Variants in EFNA5 observed in about 807,000 individuals in gnomAD.
EFNA5 encodes the protein ephrin-A5.
A neutral mutation model predicts 22.9 loss-of-function variants in EFNA5; 5 were observed. The ratio of observed to expected loss-of-function variants is 0.22; its 90% CI spans 0.11 to 0.46. The LOEUF is 0.46. Among genes scored for constraint, EFNA5 ranks in the 20% least tolerant of loss-of-function variants. The pLI, the probability that EFNA5 is intolerant of heterozygous loss-of-function variation, is 0.99. For synonymous variants in EFNA5, 113 were observed against 112.2 expected, an observed-to-expected ratio of 1.01 and a Z score of -0.04; for missense variants, 237 against 293.3, an observed-to-expected ratio of 0.81 and a Z score of 1.40.
intron 1 of EFNA5, among the ~76,000 whole-genome samples, chr5:107,569,946 T>A (rs1231913378): frequency 6.6e-6 from 1 of 151,962 alleles, no homozygotes; most frequent in Admixed American, 6.6e-5. Context: ...CACTTTTTAT[T>A]TTGAATTAAA....
chr5:107,445,267 C>T (rs977353164), intron 1 of EFNA5, among the ~76,000 whole-genome samples: 1 of 152,142 alleles, frequency 6.6e-6, no homozygotes, highest in African/African-American at 2.4e-5. Flanking sequence ...AAGTGATCTG[C>T]CTGGCTGGGC....
chr5:107,575,954 G>A (rs1748919440), intron 1 of EFNA5, among the ~76,000 whole-genome samples: 1 of 152,132 alleles, frequency 6.6e-6, no homozygotes, highest in Admixed American at 6.5e-5. Context: ...AGGAAAGGCA[G>A]GATTTATTTA....
chr5:107,643,545 A>G (rs1251846345), intron 1 of EFNA5, among the ~76,000 whole-genome samples: 1 of 152,104 alleles, frequency 6.6e-6, no homozygotes, highest in Middle Eastern at 3.2e-3. Context: ...CCCAGCCTGA[A>G]AGGTGATTGT....
At chr5:107,461,092 C>T (rs1411718515) in intron 1 of EFNA5, among the ~76,000 whole-genome samples, 1 of 152,078 alleles carries the variant, frequency 6.6e-6, no homozygotes, top group Non-Finnish European at 1.5e-5. Context: ...TGACCACATG[C>T]ACATTTAAGT....
At chr5:107,626,257 A>C (rs1561453203) in intron 1 of EFNA5, among the ~76,000 whole-genome samples, 1 of 152,172 alleles carries the variant, frequency 6.6e-6, no homozygotes, top group Non-Finnish European at 1.5e-5. Flanking sequence ...AATAGTACAC[A>C]GTATGTCTTC....
In EFNA5 at chr5:107,381,393, C is replaced by A. The variant is rs1747454672; in HGVS notation, c.566-17G>T. The A allele has an allele frequency of 6.3e-7, 1 of 1,595,402 alleles. No homozygotes were observed. The highest frequency in any genetic ancestry group is 8.6e-7 in the Non-Finnish European group (1 of 1,165,452). ...CGGTGTCATCTGTTCAAATAGAAAG[C>A]ACACATTCCAATGAGATTTCACATC... On this transcript the variant is annotated splice_polypyrimidine_tract_variant and intron_variant, in intron 4 of 4. Coordinates refer to ENST00000333274, the MANE Select transcript of EFNA5 (RefSeq NM_001962.3).
At chr5:107,460,282 G>C (rs1041828208) in intron 1 of EFNA5, among the ~76,000 whole-genome samples, 16 of 152,090 alleles carry the variant, frequency 1.1e-4, no homozygotes, top group African/African-American at 3.9e-4. Context: ...CACTAAAAAT[G>C]AATTTAAGAC....
chr5:107,393,540 A>G (rs751208996), intron 2 of EFNA5, among the ~76,000 whole-genome samples: 6 of 152,200 alleles, frequency 3.9e-5, no homozygotes, highest in Non-Finnish European at 8.8e-5. Flanking sequence ...TTTTATTTTT[A>G]AGAATATTCA....
At chr5:107,655,037 C>A (rs1045238508) in intron 1 of EFNA5, among the ~76,000 whole-genome samples, 3 of 151,914 alleles carry the variant, frequency 2.0e-5, no homozygotes, top group African/African-American at 7.3e-5. Context: ...CTGAGTAAGC[C>A]TGGCTAAGAT....
chr5:107,497,754 A>G (rs1485809479), intron 1 of EFNA5, among the ~76,000 whole-genome samples: 1 of 152,252 alleles, frequency 6.6e-6, no homozygotes, highest in African/African-American at 2.4e-5. Flanking sequence ...AAACAGTGCC[A>G]TTAAGAACAC....
intron 1 of EFNA5, among the ~76,000 whole-genome samples, chr5:107,445,728 G>A (rs537802103): frequency 9.2e-5 from 14 of 152,228 alleles, no homozygotes; most frequent in East Asian, 1.9e-4. Context: ...ACTAATAGGC[G>A]TCCTCTGAAC....
intron 1 of EFNA5, among the ~76,000 whole-genome samples, chr5:107,528,877 A>C (rs948355100): frequency 1.3e-5 from 2 of 152,330 alleles, no homozygotes; most frequent in African/African-American, 4.8e-5. Context: ...ATCATGACCC[A>C]TGAGTGGTTA....
intron 1 of EFNA5, among the ~76,000 whole-genome samples, chr5:107,661,951 A>G (rs188971349): frequency 6.6e-6 from 1 of 152,272 alleles, no homozygotes; most frequent in Admixed American, 6.5e-5. Flanking sequence ...TTACTTTTAT[A>G]ATTTCCAGGG....
chr5:107,396,682 G>A (rs1252830971), intron 2 of EFNA5, among the ~76,000 whole-genome samples: 2 of 150,906 alleles, frequency 1.3e-5, no homozygotes, highest in Non-Finnish European at 2.9e-5. Context: ...TTCTACCATA[G>A]TTTGACTTGT....
At chr5:107,384,312 A>G (rs1747551197) in intron 4 of EFNA5, among the ~76,000 whole-genome samples, 1 of 152,196 alleles carries the variant, frequency 6.6e-6, no homozygotes, top group Admixed American at 6.5e-5. Context: ...GGGGGTTTCA[A>G]TGGTTAACGG....
In EFNA5 at chr5:107,482,513, G is replaced by C. The variant is rs144695025; in HGVS notation, c.126-55004C>G. 2.9e-3 allele frequency among the ~76,000 whole-genome samples: 434 copies of C among 152,206 alleles called. 3 individuals carry two copies. The highest frequency in any genetic ancestry group is 0.01 in the African/African-American group (422 of 41,526). ...TCCAAGTCCTTCTCACCTATTCTCA[G>C]ATAAGACCCAGATCTTGGGAAACAA... On this transcript the variant is annotated intron_variant, in intron 1 of 4. Coordinates refer to ENST00000333274, the MANE Select transcript of EFNA5 (RefSeq NM_001962.3).
intron 1 of EFNA5, among the ~76,000 whole-genome samples, chr5:107,565,092 A>C (rs978123031): frequency 2.0e-5 from 3 of 152,222 alleles, no homozygotes; most frequent in African/African-American, 4.8e-5. Context: ...ATTGGCACCA[A>C]CCAGGAAGTG....
chr5:107,606,732 A>C (rs1749733400), intron 1 of EFNA5, among the ~76,000 whole-genome samples: 1 of 152,174 alleles, frequency 6.6e-6, no homozygotes, highest in African/African-American at 2.4e-5. Flanking sequence ...ACAAAATATC[A>C]CAGCTGTAGT....
intron 1 of EFNA5, among the ~76,000 whole-genome samples, chr5:107,494,591 A>G (rs1333828589): frequency 6.6e-6 from 1 of 152,226 alleles, no homozygotes; most frequent in Non-Finnish European, 1.5e-5. Flanking sequence ...GGCACACGGC[A>G]CGGGACTGGC....
Sources: allele counts gnomAD v4.1 joint callset (sites outside exome capture counted in the v4.1 genomes callset), GRCh38; gene constraint gnomAD v4.1.1; transcripts MANE v1.5; gene names NCBI Gene and HGNC (gene_info 2026-07-23, HGNC 2026-07-21).